The following TXNL4A variants were observed in gnomAD, a reference collection of about 807,000 sequenced individuals.
TXNL4A encodes thioredoxin like 4A.
Under a neutral mutation model 14.6 loss-of-function variants are expected in TXNL4A, and 17 were observed. The ratio of observed to expected loss-of-function variants is 1.16; its 90% confidence interval spans 0.80 to 1.74. The LOEUF (loss-of-function observed/expected upper bound fraction) is 1.74. TXNL4A is among the 40% of genes most tolerant of loss of function. The pLI is 0.00. For missense variants in TXNL4A, 74 were observed against 195.2 expected, an observed-to-expected ratio of 0.38 and a Z score of 3.70; for synonymous variants, 83 against 70.6, an observed-to-expected ratio of 1.18 and a Z score of -0.88.
At chr18:80,010,978 A>G (rs1231513903) in intron 1 of TXNL4A, among the ~76,000 whole-genome samples, 1 of 150,106 alleles carries the variant, frequency 6.7e-6, no homozygotes, top group African/African-American at 2.5e-5. Context: ...TTCTTTGGCT[A>G]CTTCCTGCTG....
intron 1 of TXNL4A, among the ~76,000 whole-genome samples, chr18:80,005,272 G>A (rs1267243936): frequency 6.6e-6 from 1 of 152,196 alleles, no homozygotes; most frequent in African/African-American, 2.4e-5. Flanking sequence ...GCCAGTGGTG[G>A]CCCCTCCCTG....
chr18:80,016,958 G>A (rs1361156749), intron 1 of TXNL4A, among the ~76,000 whole-genome samples: 6 of 152,108 alleles, frequency 3.9e-5, no homozygotes, highest in African/African-American at 1.2e-4. Context: ...TGGGCAGTAC[G>A]GCCATTTTCA....
intron 1 of TXNL4A, among the ~76,000 whole-genome samples, chr18:79,978,904 A>G (rs1166922747): frequency 6.6e-6 from 1 of 151,362 alleles, no homozygotes; most frequent in East Asian, 1.9e-4. Context: ...TCGTACTACA[A>G]TATTTTGTAT....
chr18:80,006,253 A>G (rs942751918), intron 1 of TXNL4A, among the ~76,000 whole-genome samples: 2 of 151,788 alleles, frequency 1.3e-5, no homozygotes, highest in Non-Finnish European at 2.9e-5. Context: ...GTGTGGTGGC[A>G]TGCGCCTGTA....
intron 1 of TXNL4A, among the ~76,000 whole-genome samples, chr18:80,032,320 T>C (rs1300139993): frequency 6.6e-6 from 1 of 151,980 alleles, no homozygotes; most frequent in Non-Finnish European, 1.5e-5. Flanking sequence ...CTTTTTAAAA[T>C]GCTTTTCTCC....
At chr18:80,013,813 G>T (rs1473097115) in intron 1 of TXNL4A, among the ~76,000 whole-genome samples, 1 of 152,152 alleles carries the variant, frequency 6.6e-6, no homozygotes, top group Non-Finnish European at 1.5e-5. Flanking sequence ...GACTGTATTA[G>T]TTCATTTTCA....
intron 2 of TXNL4A, among the ~76,000 whole-genome samples, chr18:79,975,165 T>C (rs886286688): frequency 6.6e-6 from 1 of 152,166 alleles, no homozygotes; most frequent in African/African-American, 2.4e-5. Context: ...TTATATCTCA[T>C]AAACATCTGC....
intron 1 of TXNL4A, among the ~76,000 whole-genome samples, chr18:80,023,830 T>G (rs2145127510): frequency 6.6e-6 from 1 of 152,358 alleles, no homozygotes; most frequent in East Asian, 1.9e-4. Context: ...ATCTCAGTAT[T>G]CTGTGCTTCT....
intron 1 of TXNL4A, among the ~76,000 whole-genome samples, chr18:79,997,306 C>T (rs1159704125): frequency 1.3e-5 from 2 of 151,938 alleles, no homozygotes; most frequent in East Asian, 1.9e-4. Flanking sequence ...TCGCCCCTGT[C>T]ATCCAAGATT....
Position 79,976,541 on chromosome 18 carries a change from T to C in TXNL4A, c.257+1057A>G, listed in dbSNP as rs771752810. ...ACACTCCAGATAAGCACCCAGCCCA[T>C]GGTTCAGACCTTGTGAGACCCTGAG... On this transcript the variant is annotated intron_variant, in intron 2 of 2. Coordinates refer to ENST00000269601, the MANE Select transcript of TXNL4A (RefSeq NM_006701.5). Among the ~76,000 whole-genome samples the C allele has an allele frequency of 1.6e-3, 237 of 152,126 alleles. 8 individuals are homozygous for C. The highest frequency in any genetic ancestry group is 4.9e-4 in the Non-Finnish European group (33 of 68,014).
At chr18:79,985,487 A>C (rs983303334) in intron 1 of TXNL4A, among the ~76,000 whole-genome samples, 88 of 151,980 alleles carry the variant, frequency 5.8e-4, no homozygotes, top group African/African-American at 2.1e-3. Flanking sequence ...TCCTGGGCTC[A>C]AGGGAACCAC....
rs566864984 is a variant in TXNL4A at position 79,973,680 on chromosome 18, G to A, written c.*5C>T. ...CGACATTTATCCGCGCAGACTGAGG[G>A]CGCCTCAGTAGCGGTACTTGGTGGA... is the stretch of plus-strand genomic sequence containing the variant. On this transcript the variant is annotated 3_prime_UTR_variant, in exon 3 of 3. Coordinates refer to ENST00000269601, the MANE Select transcript of TXNL4A (RefSeq NM_006701.5). 2 of 1,608,522 alleles carry A rather than the reference G, an allele frequency of 1.2e-6. No individual in the cohort carries two copies. The highest frequency in any genetic ancestry group is 1.7e-4 in the Middle Eastern group (1 of 6,026).
chr18:79,997,574 T>A (rs2051671350), intron 1 of TXNL4A, among the ~76,000 whole-genome samples: 1 of 152,122 alleles, frequency 6.6e-6, no homozygotes, highest in Admixed American at 6.5e-5. Flanking sequence ...TTCCTGTAGA[T>A]CCAGACAGCC....
intron 1 of TXNL4A, among the ~76,000 whole-genome samples, chr18:80,021,410 C>T (rs2051848050): frequency 6.6e-6 from 1 of 152,104 alleles, no homozygotes; most frequent in African/African-American, 2.4e-5. Context: ...ATCTCCTGAC[C>T]TCGTGATCTG....
chr18:80,000,556 T>A (rs1187367378), intron 1 of TXNL4A, among the ~76,000 whole-genome samples: 1 of 152,216 alleles, frequency 6.6e-6, no homozygotes, highest in Non-Finnish European at 1.5e-5. Flanking sequence ...AAATGTGCAG[T>A]CTGACGATGA....
At chr18:79,989,213 C>T (rs2051605985), upstream of TXNL4A, among the ~76,000 whole-genome samples, 1 of 152,136 alleles carries the variant, frequency 6.6e-6, no homozygotes, top group South Asian at 2.1e-4. Context: ...CTCCCGGGGT[C>T]AAGCGCTTCT....
chr18:80,010,969 T>C (rs188061035), intron 1 of TXNL4A, among the ~76,000 whole-genome samples: 17 of 152,000 alleles, frequency 1.1e-4, no homozygotes, highest in Admixed American at 2.0e-4. Flanking sequence ...TTTTTTTTTT[T>C]CTTTGGCTAC....
chr18:79,986,951 C>T (rs932891236), intron 1 of TXNL4A, among the ~76,000 whole-genome samples: 1 of 152,172 alleles, frequency 6.6e-6, no homozygotes, highest in African/African-American at 2.4e-5. Flanking sequence ...TGGCAGAACC[C>T]CCAGCGTGTG....
At chr18:80,005,783 G>T (rs1359346244) in intron 1 of TXNL4A, among the ~76,000 whole-genome samples, 1 of 152,138 alleles carries the variant, frequency 6.6e-6, no homozygotes, top group Non-Finnish European at 1.5e-5. Context: ...GCATGATGGT[G>T]CATGCCTGTA....
Sources: allele counts gnomAD v4.1 joint callset (sites outside exome capture counted in the v4.1 genomes callset), GRCh38; gene constraint gnomAD v4.1.1; transcripts MANE v1.5; gene names NCBI Gene and HGNC (gene_info 2026-07-23, HGNC 2026-07-21).